Variants in MAN1C1 observed in about 807,000 individuals in gnomAD.
MAN1C1 encodes the protein mannosidase alpha class 1C member 1.
MAN1C1 carries 49 observed loss-of-function variants against 71.5 expected under a neutral mutation model. That is an observed-to-expected ratio of 0.69 (90% CI 0.54 to 0.87). MAN1C1 has a LOEUF of 0.87. MAN1C1 is among the 40% of genes least tolerant of loss of function. The pLI, the probability that MAN1C1 is intolerant of heterozygous loss-of-function variation, is 0.00. For missense variants in MAN1C1, 743 were observed against 835.0 expected, an observed-to-expected ratio of 0.89 and a Z score of 1.36; for synonymous variants, 352 against 343.7, an observed-to-expected ratio of 1.02 and a Z score of -0.27.
intron 2 of MAN1C1, among the ~76,000 whole-genome samples, chr1:25,726,982 G>C (rs1285967041): frequency 6.6e-6 from 1 of 151,970 alleles, no homozygotes; most frequent in Non-Finnish European, 1.5e-5. Context: ...GCTTGAACCT[G>C]GGAAGTGGAG....
chr1:25,777,678 C>T (rs1291916482), intron 8 of MAN1C1: 1 of 163,236 alleles, frequency 6.1e-6, no homozygotes, highest in African/African-American at 2.4e-5. Flanking sequence ...GATGGACACT[C>T]TTCCCATAAA....
At position 25,711,662 on chromosome 1, in the gene MAN1C1, C is replaced by A. The variant is rs914209859; in HGVS notation, c.637+25126C>A. On this transcript the variant is annotated intron_variant, in intron 2 of 11. Coordinates refer to ENST00000374332, the MANE Select transcript of MAN1C1 (RefSeq NM_020379.4). This position sits in a 1 kb window ranked among gnomAD's most constrained non-coding sequence, Gnocchi z 4.3. ...CCTGCGGCCCCGCCCCTCCTCCCTGCGGCCCCGCCCCTCCCCTGCGTGCTG... is the reference window on the plus strand; with the variant it reads ...CCTGCGGCCCCGCCCCTCCTCCCTGAGGCCCCGCCCCTCCCCTGCGTGCTG... 4.0e-5 allele frequency among the ~76,000 whole-genome samples: 6 copies of A among 150,852 alleles called. No individual in the cohort carries two copies. Among genetic ancestry groups the A allele is most frequent in the Admixed American group, 6.6e-5 (1 of 15,158 alleles).
Position 25,617,966 on chromosome 1 carries a change from C to G in MAN1C1, c.169C>G (p.Arg57Gly), listed in dbSNP as rs527879949. 66 of 1,608,260 alleles carry G rather than the reference C, an allele frequency of 4.1e-5. No individual in the cohort carries two copies. Among genetic ancestry groups the G allele is most frequent in the Non-Finnish European group, 5.5e-5 (65 of 1,178,060 alleles). ...CCTCAAGCGCCTCTTCCTGGCCCCC[C>G]GGACCCAGCAGCCTGGTCTGGAAGT... ...SRLKRLFLAP[R>G]TQQPGLEVVA... The change falls in exon 1 of 12, where the codon CGG becomes GGG. Residue 57 changes from arginine (R) to glycine (G), a missense_variant. Arg to Gly is a moderately radical substitution (Grantham distance 125, BLOSUM62 -2). Transcript: ENST00000374332. The surrounding 1 kb of genome is among the most constrained non-coding windows in gnomAD (Gnocchi z 5.1).
chr1:25,627,858 C>A (rs1362488554), intron 1 of MAN1C1, among the ~76,000 whole-genome samples: 2 of 147,808 alleles, frequency 1.4e-5, no homozygotes, highest in African/African-American at 5.1e-5. Context: ...CATGGCAAAA[C>A]CCAATCTCTA....
chr1:25,738,133 T>C (rs1020852465), intron 2 of MAN1C1, among the ~76,000 whole-genome samples: 3 of 152,114 alleles, frequency 2.0e-5, no homozygotes, highest in African/African-American at 7.2e-5. Context: ...GAAGAATCCC[T>C]AAAAAATATC....
chr1:25,759,419 T>G (rs1426152039), intron 6 of MAN1C1: 1 of 152,360 alleles, frequency 6.6e-6, no homozygotes, highest in African/African-American at 2.4e-5. Context: ...CCTGGGGAGA[T>G]GGAAGCCCTG....
At chr1:25,699,026 G>C (rs1343802071) in intron 2 of MAN1C1, among the ~76,000 whole-genome samples, 2 of 151,808 alleles carry the variant, frequency 1.3e-5, no homozygotes, top group Non-Finnish European at 2.9e-5. Flanking sequence ...AGCATGAAAG[G>C]CTGGGCGCAG....
In MAN1C1 at chr1:25,711,107, C is replaced by G. The variant is rs1401015139; in HGVS notation, c.637+24571C>G. Among the ~76,000 whole-genome samples, 1 of 152,166 alleles carries G rather than the reference C, an allele frequency of 6.6e-6. No homozygotes were observed. The highest frequency in any genetic ancestry group is 1.5e-5 in the Non-Finnish European group (1 of 68,036). ...TTTGGTTAGATGACTCAGCTCTGTT[C>G]CATGTGGACCTGGACTTCTCTCATG... is the stretch of plus-strand genomic sequence containing the variant. On this transcript the variant is annotated intron_variant, in intron 2 of 11. Transcript: ENST00000374332. This position sits in a 1 kb window ranked among gnomAD's most constrained non-coding sequence, Gnocchi z 4.3.
chr1:25,696,408 T>C (rs1489311685), intron 2 of MAN1C1, among the ~76,000 whole-genome samples: 1 of 137,762 alleles, frequency 7.3e-6, no homozygotes, highest in Non-Finnish European at 1.5e-5. Flanking sequence ...CTTGAGCCTC[T>C]ATTTTTTTTT....
intron 1 of MAN1C1, among the ~76,000 whole-genome samples, chr1:25,661,718 A>G (rs982200428): frequency 6.6e-6 from 1 of 152,238 alleles, no homozygotes; most frequent in Non-Finnish European, 1.5e-5. Flanking sequence ...TCTCCTCCCA[A>G]TGTAATGATT....
chr1:25,668,656 C>T (rs1435387262), intron 1 of MAN1C1, among the ~76,000 whole-genome samples: 1 of 151,290 alleles, frequency 6.6e-6, no homozygotes, highest in Non-Finnish European at 1.5e-5. Context: ...CCTGGGTTCA[C>T]GTCATTCTCC....
chr1:25,626,513 C>T (rs1416920294), intron 1 of MAN1C1, among the ~76,000 whole-genome samples: 1 of 152,174 alleles, frequency 6.6e-6, no homozygotes, highest in East Asian at 1.9e-4. Flanking sequence ...TGTCCGCCAC[C>T]ACGCCTGGCT....
rs138009199 is a variant in MAN1C1 at position 25,683,653 on chromosome 1, G to C, written c.541-2787G>C. On this transcript the variant is annotated intron_variant, in intron 1 of 11. Transcript: ENST00000374332. ...CTGAAGGAAGATGGGCAGTTGGCAG[G>C]GGGGTGGGGGGTAGGGGCTGGAAGT... Among the ~76,000 whole-genome samples, 1,401 of 152,180 alleles carry C rather than the reference G, an allele frequency of 9.2e-3. 24 individuals are homozygous for C. Among genetic ancestry groups the C allele is most frequent in the African/African-American group, 0.032 (1,348 of 41,478 alleles).
Position 25,772,778 on chromosome 1 carries a change from C to G in MAN1C1, c.1257+1006C>G, listed in dbSNP as rs562492619. Among the ~76,000 whole-genome samples, 7 of 152,298 alleles carry G rather than the reference C, an allele frequency of 4.6e-5. No individual in the cohort carries two copies. In the South Asian group the frequency reaches 1.5e-3, roughly 32 times the overall value. ...CCTTTACCCATCGGGTCCGCCTTCC[C>G]TGGGCCCTGCTGATCACCCTGACTT... On this transcript the variant is annotated intron_variant, in intron 8 of 11. Coordinates refer to ENST00000374332, the MANE Select transcript of MAN1C1 (RefSeq NM_020379.4).
At chr1:25,717,138 T>G (rs911250832) in intron 2 of MAN1C1, among the ~76,000 whole-genome samples, 4 of 152,210 alleles carry the variant, frequency 2.6e-5, no homozygotes, top group African/African-American at 9.7e-5. Context: ...AGTTTTCATG[T>G]GGATGTATGT....
chr1:25,696,476 T>C (rs2038100), intron 2 of MAN1C1, among the ~76,000 whole-genome samples: 1 of 151,924 alleles, frequency 6.6e-6, no homozygotes, highest in South Asian at 2.1e-4. Context: ...CTACATTAAA[T>C]TGCACAAATC....
intron 1 of MAN1C1, among the ~76,000 whole-genome samples, chr1:25,652,467 C>G (rs1356773073): frequency 2.0e-5 from 3 of 152,266 alleles, no homozygotes; most frequent in Non-Finnish European, 4.4e-5. Flanking sequence ...TCCCACCCCA[C>G]AGGCTGGAGG....
intron 2 of MAN1C1, among the ~76,000 whole-genome samples, chr1:25,701,772 A>C (rs2046447419): frequency 6.6e-6 from 1 of 152,222 alleles, no homozygotes; most frequent in Non-Finnish European, 1.5e-5. Context: ...TTAAAAATAA[A>C]GCCATGATTT....
At chr1:25,626,267 A>G (rs1216684717) in intron 1 of MAN1C1, among the ~76,000 whole-genome samples, 1 of 152,120 alleles carries the variant, frequency 6.6e-6, no homozygotes, top group Non-Finnish European at 1.5e-5. Flanking sequence ...TTAGGTTTAT[A>G]GTGATATTTT....
Sources: allele counts gnomAD v4.1 joint callset (sites outside exome capture counted in the v4.1 genomes callset), GRCh38; gene constraint gnomAD v4.1.1; non-coding constraint Gnocchi (gnomAD v3.1); transcripts MANE v1.5; gene names NCBI Gene and HGNC (gene_info 2026-07-23, HGNC 2026-07-21).